The following USP25 variants were observed in gnomAD, a reference collection of about 807,000 sequenced individuals.
USP25 encodes the protein ubiquitin specific peptidase 25, also known as ubiquitin carboxyl-terminal hydrolase 25.
In USP25, 85 loss-of-function variants were observed where a neutral mutation model predicts 158.5. That is an observed-to-expected ratio of 0.54 (90% CI 0.45 to 0.64). The LOEUF (loss-of-function observed/expected upper bound fraction) is 0.64, where lower values mean the gene tolerates loss of function less well. USP25 is among the 30% of genes least tolerant of loss of function. The probability of loss-of-function intolerance (pLI) is 0.00; values close to 1 mark genes in which losing one functional copy is unlikely to be tolerated. For missense variants in USP25, 1,242 were observed against 1,327.3 expected (o/e 0.94, Z 1.00); for synonymous variants, 464 against 460.4 (o/e 1.01, Z -0.10).
chr21:15,767,097 A>C (rs1341266690), intron 3 of USP25, among the ~76,000 whole-genome samples: 3 of 152,078 alleles, frequency 2.0e-5, no homozygotes, highest in African/African-American at 7.2e-5. Flanking sequence ...AGCATATATA[A>C]GATAGACCTG....
At chr21:15,764,455 AAG>A (rs1227016552) in intron 2 of USP25, among the ~76,000 whole-genome samples, 1 of 152,086 alleles carries the variant, frequency 6.6e-6, no homozygotes, top group Non-Finnish European at 1.5e-5. Flanking sequence ...GCTAGGGGAA[AAG>A]AGTGTATTTA....
intron 6 of USP25, 114 bp downstream of exon 6, chr21:15,799,957 G>GACAT: frequency 3.9e-6 from 2 of 508,456 alleles, no homozygotes; most frequent in South Asian, 6.3e-5. Flanking sequence ...CAATTTGAAT[G>GACAT]TCAATTCATT....
Position 15,825,347 on chromosome 21 carries a change from C to CT in USP25, c.1304+287dup, listed in dbSNP as rs142747084. On this transcript the variant is annotated intron_variant, in intron 12 of 25. Transcript: ENST00000400183. ...TTTTGACCTTCCTTTTTGCATGAAA[C>CT]TAAAGATTACTCTTGAGATTTTCAT... Among the ~76,000 whole-genome samples the CT allele has an allele frequency of 9.4e-3, 1,433 of 152,186 alleles. 20 individuals are homozygous for CT. Among genetic ancestry groups the CT allele is most frequent in the African/African-American group, 0.033 (1,365 of 41,540 alleles).
At chr21:15,864,760 A>G (rs1001141032) in intron 21 of USP25, among the ~76,000 whole-genome samples, 1 of 152,142 alleles carries the variant, frequency 6.6e-6, no homozygotes, top group Non-Finnish European at 1.5e-5. Context: ...TTTAAATTAG[A>G]TAAATCTTTG....
At chr21:15,808,669 G>T in intron 7 of USP25, 140 bp from the exon 8 acceptor site, 6 of 543,476 alleles carry the variant, frequency 1.1e-5, no homozygotes, top group Non-Finnish European at 1.6e-5. Context: ...CTTGCATTTC[G>T]TGTGAAACAT....
At chr21:15,854,964 G>A (rs1877238458) in intron 20 of USP25, among the ~76,000 whole-genome samples, 1 of 152,164 alleles carries the variant, frequency 6.6e-6, no homozygotes. Flanking sequence ...AGAAGATTCT[G>A]TTGTGTAAAA....
intron 1 of USP25, among the ~76,000 whole-genome samples, chr21:15,750,120 T>C (rs1408187567): frequency 1.3e-5 from 2 of 151,546 alleles, no homozygotes; most frequent in Non-Finnish European, 2.9e-5. Flanking sequence ...GGCTGCAGAT[T>C]GAGCCCAATC....
chr21:15,791,172 TTTAA>T (rs1039750650), intron 4 of USP25, among the ~76,000 whole-genome samples: 6 of 151,924 alleles, frequency 3.9e-5, no homozygotes, highest in Admixed American at 6.6e-5. Context: ...AAATATGTAC[TTTAA>T]TTGTTATTTC....
intron 20 of USP25, among the ~76,000 whole-genome samples, chr21:15,862,641 G>A (rs1231724323): frequency 7.1e-6 from 1 of 141,478 alleles, no homozygotes; most frequent in African/African-American, 2.6e-5. Context: ...GCTTATGTGT[G>A]CTACCTAGGC....
chr21:15,748,454 G>GTTTT (rs71331787), intron 1 of USP25, among the ~76,000 whole-genome samples: 38 of 79,006 alleles, frequency 4.8e-4, no homozygotes, highest in Middle Eastern at 9.4e-3. Context: ...CTACTTTTTA[G>GTTTT]TTTTTTTTTT....
rs536068691 is a variant in USP25, at chr21:15,866,459, A to G, written c.2805+115A>G. 1.0e-3 allele frequency: 698 copies of G among 666,578 alleles called. 2 individuals are homozygous for G. The highest frequency in any genetic ancestry group is 1.3e-3 in the Non-Finnish European group (591 of 442,744). The allele number at this position is 666,578 out of a possible 1,614,324, so 41.3% of individuals were successfully genotyped here. A position where few individuals can be genotyped will look rare whatever the true frequency, so the allele number is the denominator to read the frequency against. ...TTTGTTATGAATGATGAGTAAAAAA[A>G]TTAAGTTTCCAAGTCAATGCTCAAG... On this transcript the variant is annotated intron_variant, in intron 22 of 25. Transcript: ENST00000400183.
intron 1 of USP25, 34 bp from the exon 2 acceptor site, chr21:15,762,857 G>C: frequency 6.4e-7 from 1 of 1,569,830 alleles, no homozygotes; most frequent in Non-Finnish European, 8.7e-7. Flanking sequence ...TCAGAGTTGA[G>C]AATATAATGA....
At position 15,879,790 on chromosome 21, in the gene USP25, T is replaced by C. The variant is rs2040223039; in HGVS notation, c.*1315T>C. On this transcript the variant is annotated 3_prime_UTR_variant, in exon 26 of 26. Coordinates refer to ENST00000400183, the MANE Select transcript of USP25 (RefSeq NM_001283041.3). ...TCACAAAAGATCCTGGATGGAGGAG[T>C]AAGATGAAATATTATGCTATTATAT... 2 of 152,526 alleles carry C rather than the reference T, an allele frequency of 1.3e-5. No homozygotes were observed. Among genetic ancestry groups the C allele is most frequent in the East Asian group, 3.9e-4 (2 of 5,168 alleles). 9.4% of individuals were successfully genotyped at this position (152,526 alleles called of 1,614,324 possible).
intron 1 of USP25, among the ~76,000 whole-genome samples, chr21:15,732,936 C>T (rs2031079608): frequency 6.6e-6 from 1 of 152,060 alleles, no homozygotes; most frequent in Non-Finnish European, 1.5e-5. Context: ...AGTAAAACTG[C>T]AGAAAGCTGC....
chr21:15,804,456 G>A (rs867655992), intron 6 of USP25, among the ~76,000 whole-genome samples: 1 of 151,358 alleles, frequency 6.6e-6, no homozygotes, highest in South Asian at 2.1e-4. Context: ...TAAAATAAAT[G>A]AGTATAAAAT....
chr21:15,810,353 A>G (rs1446969478), intron 8 of USP25, among the ~76,000 whole-genome samples: 2 of 152,174 alleles, frequency 1.3e-5, no homozygotes, highest in Non-Finnish European at 2.9e-5. Context: ...ACAATACTTC[A>G]CAAATCAATT....
At chr21:15,767,137 T>C (rs1163042097) in intron 3 of USP25, among the ~76,000 whole-genome samples, 1 of 152,106 alleles carries the variant, frequency 6.6e-6, no homozygotes, top group Admixed American at 6.6e-5. Flanking sequence ...CAAGGCAAGC[T>C]GTGACTGGGC....
At chr21:15,845,220 C>T (rs747035894) in intron 18 of USP25, among the ~76,000 whole-genome samples, 1 of 151,992 alleles carries the variant, frequency 6.6e-6, no homozygotes. Context: ...TTTAAGAAGT[C>T]ATATAATTAA....
intron 4 of USP25, among the ~76,000 whole-genome samples, chr21:15,780,430 T>G (rs2034900669): frequency 6.6e-6 from 1 of 152,232 alleles, no homozygotes; most frequent in Non-Finnish European, 1.5e-5. Flanking sequence ...GTATGGACAG[T>G]TGAAATTTGT....
Sources: allele counts gnomAD v4.1 joint callset (sites outside exome capture counted in the v4.1 genomes callset), GRCh38; gene constraint gnomAD v4.1.1; transcripts MANE v1.5; gene names NCBI Gene and HGNC (gene_info 2026-07-23, HGNC 2026-07-21).